The following SNX30 variants were observed in gnomAD, a reference collection of about 807,000 sequenced individuals.
The protein encoded by SNX30 is sorting nexin family member 30, also known as sorting nexin-30.
A neutral mutation model predicts 46.4 loss-of-function variants in SNX30; 24 were observed. The observed-to-expected ratio is 0.52, with a 90% CI of 0.37 to 0.73. SNX30 has a LOEUF of 0.73. SNX30 is among the 30% of genes least tolerant of loss of function. The pLI, the probability that SNX30 is intolerant of heterozygous loss-of-function variation, is 0.00. For synonymous variants in SNX30, 189 were observed against 211.5 expected (o/e 0.89, Z 0.92); for missense variants, 533 against 555.7 (o/e 0.96, Z 0.41).
At position 112,814,019 on chromosome 9, in the gene SNX30, A is replaced by T. The variant is rs567803315; in HGVS notation, c.349-3686A>T. Among the ~76,000 whole-genome samples, 189 of 152,332 alleles carry T rather than the reference A, an allele frequency of 1.2e-3. 1 individual carries two copies. Among genetic ancestry groups the T allele is most frequent in the African/African-American group, 4.3e-3 (177 of 41,586 alleles). On this transcript the variant is annotated intron_variant, in intron 2 of 8. Coordinates refer to ENST00000374232, the MANE Select transcript of SNX30 (RefSeq NM_001012994.2). ...AAGCAGTGATTAGACATAACTAGAA[A>T]AGAAAATCATAGAGACTATAGGTGA... is the stretch of plus-strand genomic sequence containing the variant.
At chr9:112,769,016 A>G (rs897487160) in intron 1 of SNX30, among the ~76,000 whole-genome samples, 9 of 152,180 alleles carry the variant, frequency 5.9e-5, no homozygotes, top group Non-Finnish European at 1.3e-4. Context: ...ACTCAGAGGA[A>G]GTTCACTATC....
At chr9:112,867,871 C>T (rs905914292) in intron 8 of SNX30, among the ~76,000 whole-genome samples, 1 of 152,184 alleles carries the variant, frequency 6.6e-6, no homozygotes, top group Non-Finnish European at 1.5e-5. Context: ...CTCCTCCACC[C>T]CTGGGGCTGC....
At chr9:112,832,459 A>C (rs9644928) in intron 4 of SNX30, among the ~76,000 whole-genome samples, 4 of 111,298 alleles carry the variant, frequency 3.6e-5, no homozygotes, top group African/African-American at 1.6e-4. Context: ...AGAGAGAGAG[A>C]GTGTGTGTGT....
In SNX30 at chr9:112,813,675, T is replaced by C. The variant is rs541930284; in HGVS notation, c.349-4030T>C. 1.3e-3 allele frequency among the ~76,000 whole-genome samples: 195 copies of C among 152,108 alleles called. 1 individual carries two copies. The highest frequency in any genetic ancestry group is 4.6e-3 in the African/African-American group (192 of 41,510). Reference sequence around the variant, plus strand: ...TTTTAGTAGAGACAGGGTTTCACCATGTTGGCCAGGCTGGTCTTGAACTCC... The same window carrying C: ...TTTTAGTAGAGACAGGGTTTCACCACGTTGGCCAGGCTGGTCTTGAACTCC... On this transcript the variant is annotated intron_variant, in intron 2 of 8. Coordinates refer to ENST00000374232, the MANE Select transcript of SNX30 (RefSeq NM_001012994.2).
rs796631359 is a variant in SNX30 at position 112,830,374 on chromosome 9, CTTTTCT to C, written c.460-337_460-332del. 4.5e-4 allele frequency among the ~76,000 whole-genome samples: 69 copies of C among 151,956 alleles called. 1 individual carries two copies. Among genetic ancestry groups the C allele is most frequent in the African/African-American group, 1.1e-3 (47 of 41,458 alleles). ...GCCTGCCTGCCTGCTTGCCTTCTTT[CTTTTCT>C]TTTTCTTTTTCTTCTTTTCTTTTCT... On this transcript the variant is annotated intron_variant, in intron 3 of 8. Transcript: ENST00000374232.
intron 2 of SNX30, among the ~76,000 whole-genome samples, chr9:112,807,002 T>G (rs933147600): frequency 6.6e-6 from 1 of 151,428 alleles, no homozygotes; most frequent in African/African-American, 2.4e-5. Flanking sequence ...TATGGACATT[T>G]AAGCCTGCTC....
intron 5 of SNX30, 122 bp from the exon 6 acceptor site, chr9:112,838,376 G>C: frequency 1.3e-6 from 1 of 748,434 alleles, no homozygotes; most frequent in Non-Finnish European, 2.2e-6. Context: ...GGGATCAGGT[G>C]AGTGAATGGC....
At chr9:112,784,773 C>T (rs1839894795) in intron 1 of SNX30, among the ~76,000 whole-genome samples, 1 of 152,190 alleles carries the variant, frequency 6.6e-6, no homozygotes, top group South Asian at 2.1e-4. Context: ...GGGTCTCTTG[C>T]CATCCTGCCA....
chr9:112,854,536 CT>C (rs1433675148), intron 7 of SNX30, among the ~76,000 whole-genome samples: 1 of 152,246 alleles, frequency 6.6e-6, no homozygotes, highest in East Asian at 1.9e-4. Context: ...CACCTTCCCT[CT>C]TCCTGGTGGG....
chr9:112,756,619 C>T (rs961445560), intron 1 of SNX30, among the ~76,000 whole-genome samples: 1 of 151,884 alleles, frequency 6.6e-6, no homozygotes, highest in Admixed American at 6.6e-5. Flanking sequence ...CACCACCACG[C>T]CCAGCTAATT....
intron 1 of SNX30, among the ~76,000 whole-genome samples, chr9:112,778,420 C>T (rs1459525079): frequency 6.6e-6 from 1 of 152,058 alleles, no homozygotes; most frequent in Non-Finnish European, 1.5e-5. Context: ...TTTCGGGCAC[C>T]TGCCACCAGC....
At chr9:112,791,539 G>A (rs191075058) in intron 1 of SNX30, among the ~76,000 whole-genome samples, 11 of 147,102 alleles carry the variant, frequency 7.5e-5, no homozygotes, top group African/African-American at 1.7e-4. Flanking sequence ...AGTCTCCCAA[G>A]TAGCTGAGAC....
At chr9:112,812,019 G>GTA (rs763037037) in intron 2 of SNX30, among the ~76,000 whole-genome samples, 70 of 152,130 alleles carry the variant, frequency 4.6e-4, no homozygotes, top group Non-Finnish European at 1.3e-4. Context: ...GAAATTCCAA[G>GTA]TAGTGTCTCT....
At chr9:112,834,511 G>T (rs993634972) in intron 4 of SNX30, among the ~76,000 whole-genome samples, 1 of 152,150 alleles carries the variant, frequency 6.6e-6, no homozygotes, top group Non-Finnish European at 1.5e-5. Flanking sequence ...GGGAAGGGGC[G>T]TGGAACTTCC....
downstream of SNX30, among the ~76,000 whole-genome samples, chr9:112,884,651 C>T (rs980278542): frequency 1.3e-5 from 2 of 152,222 alleles, no homozygotes; most frequent in African/African-American, 2.4e-5. Flanking sequence ...TTTGTTTGCA[C>T]GTGTCTCTCT....
At chr9:112,795,211 T>TA (rs1323969596) in intron 1 of SNX30, among the ~76,000 whole-genome samples, 1 of 152,156 alleles carries the variant, frequency 6.6e-6, no homozygotes, top group African/African-American at 2.4e-5. Flanking sequence ...AGAATAGTGA[T>TA]ACAGCACCAG....
intron 1 of SNX30, among the ~76,000 whole-genome samples, chr9:112,790,641 CTTG>C (rs1483020357): frequency 1.1e-4 from 17 of 152,190 alleles, no homozygotes; most frequent in African/African-American, 4.1e-4. Flanking sequence ...TGGGAAGTCA[CTTG>C]GCAATAAGAA....
At chr9:112,809,765 GT>G (rs544700579) in intron 2 of SNX30, among the ~76,000 whole-genome samples, 257 of 152,240 alleles carry the variant, frequency 1.7e-3, no homozygotes, top group Middle Eastern at 3.4e-3. Context: ...GTGGGTTAGA[GT>G]GAGCGAGGGG....
intron 2 of SNX30, among the ~76,000 whole-genome samples, chr9:112,809,421 A>T (rs1840281627): frequency 6.6e-6 from 1 of 152,168 alleles, no homozygotes; most frequent in Non-Finnish European, 1.5e-5. Context: ...CCCGATACCC[A>T]GCACTGTGGT....
Sources: allele counts gnomAD v4.1 joint callset (sites outside exome capture counted in the v4.1 genomes callset), GRCh38; gene constraint gnomAD v4.1.1; transcripts MANE v1.5; gene names NCBI Gene and HGNC (gene_info 2026-07-23, HGNC 2026-07-21).